CLSTN2: variants seen among roughly 807,000 people sequenced by gnomAD.
The protein encoded by CLSTN2 is calsyntenin-2.
A neutral mutation model predicts 101.2 loss-of-function variants in CLSTN2; 48 were observed. The observed-to-expected ratio is 0.47, with a 90% confidence interval of 0.38 to 0.60. The LOEUF is 0.60. Ranked by LOEUF, CLSTN2 falls within the 20% of genes least tolerant of loss-of-function variation. The pLI, the probability that CLSTN2 is intolerant of heterozygous loss-of-function variation, is 0.00. For synonymous variants in CLSTN2, 481 were observed against 463.6 expected (o/e 1.04, Z -0.48); for missense variants, 1,160 against 1,238.2 (o/e 0.94, Z 0.95).
rs77417544 is a variant in CLSTN2, at chr3:140,147,395, A to G, written c.110-28556A>G. On this transcript the variant is annotated intron_variant, in intron 1 of 16. Coordinates refer to ENST00000458420, the MANE Select transcript of CLSTN2 (RefSeq NM_022131.3). ...AGCTTCTCTGTTAAATCCTTAGCTC[A>G]ACTGCTTACACAGTTTTCCATAGTG... Among the ~76,000 whole-genome samples, 103 of 152,286 alleles carry G rather than the reference A, an allele frequency of 6.8e-4. No homozygotes were observed. In the East Asian group the frequency reaches 0.017, roughly 25 times the overall value.
intron 1 of CLSTN2, among the ~76,000 whole-genome samples, chr3:140,118,878 C>T (rs933643629): frequency 6.6e-5 from 10 of 152,206 alleles, no homozygotes; most frequent in Admixed American, 6.5e-4. Context: ...ACTTCATTTA[C>T]TAACAGTTCC....
intron 1 of CLSTN2, among the ~76,000 whole-genome samples, chr3:140,057,518 T>A (rs1025330356): frequency 6.6e-6 from 1 of 152,210 alleles, no homozygotes; most frequent in East Asian, 1.9e-4. Flanking sequence ...CATGGAAATG[T>A]TACATTCCAG....
At chr3:140,000,000 A>G (rs941448978) in intron 1 of CLSTN2, among the ~76,000 whole-genome samples, 1 of 143,888 alleles carries the variant, frequency 6.9e-6, no homozygotes, top group South Asian at 2.2e-4. Context: ...TAAGTTAAAG[A>G]TCCTCCCTCC....
intron 1 of CLSTN2, among the ~76,000 whole-genome samples, chr3:139,978,088 TGA>T (rs1935851463): frequency 6.6e-6 from 1 of 152,008 alleles, no homozygotes; most frequent in Non-Finnish European, 1.5e-5. Flanking sequence ...TGTGCAGAGC[TGA>T]GAGAGAAACA....
At chr3:140,439,922 G>T (rs2108003432) in intron 5 of CLSTN2, among the ~76,000 whole-genome samples, 1 of 152,342 alleles carries the variant, frequency 6.6e-6, no homozygotes, top group Middle Eastern at 3.4e-3. Context: ...GTATCTATGT[G>T]TATGTGTGTT....
intron 2 of CLSTN2, among the ~76,000 whole-genome samples, chr3:140,283,796 A>G (rs1206644300): frequency 6.6e-6 from 1 of 152,140 alleles, no homozygotes; most frequent in Non-Finnish European, 1.5e-5. Flanking sequence ...TCATTAATTG[A>G]TAATGTTCTC....
intron 1 of CLSTN2, among the ~76,000 whole-genome samples, chr3:140,175,130 A>G (rs748206564): frequency 1.3e-5 from 2 of 152,170 alleles, no homozygotes; most frequent in Non-Finnish European, 2.9e-5. Context: ...GACATTTTAA[A>G]ACTTGATTAC....
intron 2 of CLSTN2, among the ~76,000 whole-genome samples, chr3:140,318,906 C>G (rs923438318): frequency 6.6e-6 from 1 of 152,106 alleles, no homozygotes; most frequent in Non-Finnish European, 1.5e-5. Flanking sequence ...CCTCTGAGTT[C>G]TTGGAGGACA....
intron 1 of CLSTN2, among the ~76,000 whole-genome samples, chr3:140,087,901 G>A (rs910158461): frequency 2.6e-5 from 4 of 152,160 alleles, no homozygotes; most frequent in Non-Finnish European, 5.9e-5. Context: ...ACTTCAAAAT[G>A]TTGGCATGCT....
At chr3:140,298,117 A>G (rs1351203172) in intron 2 of CLSTN2, among the ~76,000 whole-genome samples, 1 of 152,236 alleles carries the variant, frequency 6.6e-6, no homozygotes, top group Admixed American at 6.5e-5. Flanking sequence ...GATATTGTAA[A>G]ATAAAAAATA....
At chr3:140,016,982 C>T (rs990066561) in intron 1 of CLSTN2, among the ~76,000 whole-genome samples, 3 of 152,052 alleles carry the variant, frequency 2.0e-5, no homozygotes, top group Non-Finnish European at 4.4e-5. Context: ...CAAGCGATGT[C>T]GGTGTCCCTA....
At position 140,566,223 on chromosome 3, in the gene CLSTN2, G is replaced by A. The variant is rs1936024601; in HGVS notation, c.2838G>A (p.Leu946=). Reference sequence around the variant, plus strand: ...AGAATGGAGCCAGGCAAGCCCAGCTGGAGTGGGATGACTCCACCCTCCCCT... The same window carrying A: ...AGAATGGAGCCAGGCAAGCCCAGCTAGAGTGGGATGACTCCACCCTCCCCT... ...HGQNGARQAQ[L]EWDDSTLPY The change falls in exon 17 of 17, where the codon CTG becomes CTA. Residue 946 remains leucine, a synonymous_variant. Transcript: ENST00000458420. The A allele has an allele frequency of 1.3e-6, 2 of 1,582,998 alleles. No individual in the cohort carries two copies. Among genetic ancestry groups the A allele is most frequent in the African/African-American group, 1.3e-5 (1 of 74,420 alleles).
At chr3:140,350,466 G>T (rs2087593733) in intron 2 of CLSTN2, among the ~76,000 whole-genome samples, 1 of 152,176 alleles carries the variant, frequency 6.6e-6, no homozygotes, top group Admixed American at 6.5e-5. Context: ...TAGGGAGGGG[G>T]CATGAATTGT....
At chr3:139,937,775 C>T (rs1935053484) in intron 1 of CLSTN2, among the ~76,000 whole-genome samples, 1 of 151,734 alleles carries the variant, frequency 6.6e-6, no homozygotes, top group Non-Finnish European at 1.5e-5. Context: ...ACAAACTAGA[C>T]ATTTGTTTTT....
chr3:140,527,929 AAG>A (rs1457916553), intron 8 of CLSTN2, among the ~76,000 whole-genome samples: 2 of 152,188 alleles, frequency 1.3e-5, no homozygotes, highest in African/African-American at 2.4e-5. Context: ...GGGGGAGGGA[AAG>A]AGAGGGGAAT....
At chr3:140,326,075 C>T (rs1051857376) in intron 2 of CLSTN2, among the ~76,000 whole-genome samples, 3 of 152,272 alleles carry the variant, frequency 2.0e-5, no homozygotes, top group Admixed American at 2.0e-4. Flanking sequence ...CAAGACATAC[C>T]ATTTTAATGC....
intron 1 of CLSTN2, among the ~76,000 whole-genome samples, chr3:140,024,541 C>G (rs115698513): frequency 2.6e-5 from 4 of 152,188 alleles, no homozygotes; most frequent in African/African-American, 9.7e-5. Flanking sequence ...CTCGGCCTGG[C>G]CTTGGTGTCA....
chr3:140,395,661 A>G (rs550316583), intron 2 of CLSTN2, among the ~76,000 whole-genome samples: 23 of 152,378 alleles, frequency 1.5e-4, no homozygotes, highest in African/African-American at 5.5e-4. Flanking sequence ...ATGTTCTGTT[A>G]CAATATGGAT....
chr3:140,533,839 G>A (rs1007098231), intron 9 of CLSTN2, among the ~76,000 whole-genome samples: 3 of 152,002 alleles, frequency 2.0e-5, no homozygotes, highest in African/African-American at 7.3e-5. Context: ...AAAAGAAGAT[G>A]AAAAGGAGTA....
Sources: allele counts gnomAD v4.1 joint callset (sites outside exome capture counted in the v4.1 genomes callset), GRCh38; gene constraint gnomAD v4.1.1; transcripts MANE v1.5; gene names NCBI Gene and HGNC (gene_info 2026-07-23, HGNC 2026-07-21).